The following TNIK variants were observed in gnomAD, a reference collection of about 807,000 sequenced individuals.
TNIK encodes the protein TRAF2 and NCK-interacting protein kinase.
A neutral mutation model predicts 191.3 loss-of-function variants in TNIK; 49 were observed. That is an observed-to-expected ratio of 0.26 (90% CI 0.20 to 0.32). TNIK has a LOEUF of 0.32. Among genes scored for constraint, TNIK ranks in the 10% least tolerant of loss-of-function variants. TNIK has a pLI of 1.00. For synonymous variants in TNIK, 594 were observed against 600.9 expected, an observed-to-expected ratio of 0.99 and a Z score of 0.17; for missense variants, 1,155 against 1,702.3, an observed-to-expected ratio of 0.68 and a Z score of 5.66.
chr3:171,289,537 T>G (rs1751441816), intron 2 of TNIK, among the ~76,000 whole-genome samples: 1 of 152,192 alleles, frequency 6.6e-6, no homozygotes, highest in Admixed American at 6.5e-5. Context: ...CAGGAGCAGT[T>G]CAGTTCTGGA....
At chr3:171,269,732 T>C (rs1278555227) in intron 2 of TNIK, among the ~76,000 whole-genome samples, 1 of 152,246 alleles carries the variant, frequency 6.6e-6, no homozygotes, top group Non-Finnish European at 1.5e-5. Context: ...CAGCCTATGC[T>C]GGAGAGATTA....
intron 2 of TNIK, among the ~76,000 whole-genome samples, chr3:171,364,593 G>A (rs1715436058): frequency 6.6e-6 from 1 of 152,208 alleles, no homozygotes; most frequent in Non-Finnish European, 1.5e-5. Flanking sequence ...CTAGGTCTCT[G>A]ACTTAATTTT....
chr3:171,400,827 G>A (rs931605148), intron 1 of TNIK, among the ~76,000 whole-genome samples: 3 of 152,188 alleles, frequency 2.0e-5, no homozygotes, highest in African/African-American at 7.2e-5. Context: ...ATACCAAGAT[G>A]AGACAGATCC....
chr3:171,451,669 G>GA (rs747211672), intron 1 of TNIK, among the ~76,000 whole-genome samples: 2 of 152,068 alleles, frequency 1.3e-5, no homozygotes, highest in Non-Finnish European at 2.9e-5. Flanking sequence ...TCACAAAACA[G>GA]AAAAAAATCA....
At chr3:171,347,221 G>GGAA (rs5854416) in intron 2 of TNIK, 1 of 1,417,898 alleles carries the variant, frequency 7.1e-7, no homozygotes, top group South Asian at 1.3e-5. Flanking sequence ...TTCATTTGCT[G>GGAA]AAAAAAAAAA....
intron 14 of TNIK, among the ~76,000 whole-genome samples, chr3:171,138,600 T>C (rs1730361511): frequency 6.6e-6 from 1 of 152,136 alleles, no homozygotes; most frequent in African/African-American, 2.4e-5. Flanking sequence ...GAAAACGCTA[T>C]TGCTTTAAAA....
At chr3:171,126,403 T>C (rs1219533706) in intron 16 of TNIK, among the ~76,000 whole-genome samples, 2 of 152,148 alleles carry the variant, frequency 1.3e-5, no homozygotes, top group Admixed American at 1.3e-4. Flanking sequence ...TGTGAAATAA[T>C]AACAATAACT....
intron 2 of TNIK, among the ~76,000 whole-genome samples, chr3:171,247,224 G>A (rs145549484): frequency 1.8e-4 from 27 of 152,276 alleles, no homozygotes; most frequent in Admixed American, 4.6e-4. Flanking sequence ...CTTCCTACCC[G>A]CTACCACTCA....
rs1484188282 is a variant in TNIK at position 171,366,852 on chromosome 3, T to C, written c.123+2768A>G. Among the ~76,000 whole-genome samples the C allele has an allele frequency of 6.6e-6, 1 of 152,200 alleles. No individual in the cohort carries two copies. Among genetic ancestry groups the C allele is most frequent in the Non-Finnish European group, 1.5e-5 (1 of 68,032 alleles). ...GGAGGCGGTTTCACCCATCCTGTTC[T>C]CATGATAGTGAGTTAGTTCTCATGA... On this transcript the variant is annotated intron_variant, in intron 2 of 32. Coordinates refer to ENST00000436636, the MANE Select transcript of TNIK (RefSeq NM_015028.4). The surrounding 1 kb of genome is among the most constrained non-coding windows in gnomAD (Gnocchi z 4.1).
At chr3:171,156,647 G>A (rs1733215209) in intron 12 of TNIK, among the ~76,000 whole-genome samples, 1 of 152,208 alleles carries the variant, frequency 6.6e-6, no homozygotes, top group Non-Finnish European at 1.5e-5. Context: ...TTTAACAAAT[G>A]TCTGTAAGAC....
chr3:171,195,510 C>G (rs1375134619), intron 4 of TNIK, among the ~76,000 whole-genome samples: 15 of 152,084 alleles, frequency 9.9e-5, no homozygotes, highest in Admixed American at 9.8e-4. Context: ...TAAAATGGAG[C>G]CACAATAAAA....
At chr3:171,228,346 C>G in intron 2 of TNIK, 125 bp from the exon 3 acceptor site, 1 of 853,238 alleles carries the variant, frequency 1.2e-6, no homozygotes, top group South Asian at 1.8e-5. Flanking sequence ...GAGAGAAAGA[C>G]AGACACACAC....
chr3:171,345,886 C>CTTTG (rs1712097136), intron 2 of TNIK, among the ~76,000 whole-genome samples: 2 of 151,990 alleles, frequency 1.3e-5, no homozygotes, highest in African/African-American at 2.4e-5. Flanking sequence ...CCTTATTTAT[C>CTTTG]TACAAGGCAC....
At position 171,072,348 on chromosome 3, in the gene TNIK, A is replaced by G. The variant is rs188975046; in HGVS notation, c.3449-1025T>C. Among the ~76,000 whole-genome samples the G allele has an allele frequency of 6.6e-5, 10 of 152,264 alleles. No homozygotes were observed. The East Asian group carries it at 1.9e-3, about 29-fold the overall frequency. ...TTGCTTTATAACTTTTCATGACATA[A>G]AGTGTTTATTAGACTATTTTTGCTG... On this transcript the variant is annotated intron_variant, in intron 28 of 32. Coordinates refer to ENST00000436636, the MANE Select transcript of TNIK (RefSeq NM_015028.4).
chr3:171,125,110 T>C (rs1379703240), intron 17 of TNIK, among the ~76,000 whole-genome samples: 1 of 152,240 alleles, frequency 6.6e-6, no homozygotes, highest in Non-Finnish European at 1.5e-5. Flanking sequence ...ACAGTGGCAT[T>C]TTCTGCAAAT....
At chr3:171,339,813 G>C (rs1395739424) in intron 2 of TNIK, among the ~76,000 whole-genome samples, 1 of 152,190 alleles carries the variant, frequency 6.6e-6, no homozygotes, top group African/African-American at 2.4e-5. Context: ...TGCCAGACGA[G>C]GCCTTCTGGC....
intron 1 of TNIK, among the ~76,000 whole-genome samples, chr3:171,387,599 T>C (rs773176651): frequency 1.6e-4 from 24 of 152,220 alleles, no homozygotes; most frequent in Non-Finnish European, 3.4e-4. Context: ...TGTCTGGGGA[T>C]ATTTTTAGGA....
chr3:171,285,739 A>G (rs6805756), intron 2 of TNIK, among the ~76,000 whole-genome samples: 27,318 of 152,146 alleles, frequency 0.18, 2,638 homozygotes, highest in African/African-American at 0.2. Flanking sequence ...CTCTGGCCCA[A>G]TTGTTCTCAA....
intron 28 of TNIK, among the ~76,000 whole-genome samples, chr3:171,077,744 T>C (rs535091673): frequency 2.0e-5 from 3 of 152,206 alleles, no homozygotes; most frequent in South Asian, 2.1e-4. Context: ...CTGTATAGTA[T>C]AGTCATGTGA....
Sources: allele counts gnomAD v4.1 joint callset (sites outside exome capture counted in the v4.1 genomes callset), GRCh38; gene constraint gnomAD v4.1.1; non-coding constraint Gnocchi (gnomAD v3.1); transcripts MANE v1.5; gene names NCBI Gene and HGNC (gene_info 2026-07-23, HGNC 2026-07-21).